SORL1: variants seen among roughly 807,000 people sequenced by gnomAD.
SORL1 encodes sortilin-related receptor.
In SORL1, 127 loss-of-function variants were observed where a neutral mutation model predicts 273.7. That is an observed-to-expected ratio of 0.46 (90% CI 0.40 to 0.54). The LOEUF (loss-of-function observed/expected upper bound fraction) is 0.54, where lower values mean the gene tolerates loss of function less well. SORL1 is among the 20% of genes least tolerant of loss of function. The probability of loss-of-function intolerance (pLI) is 0.00; values close to 1 mark genes in which losing one functional copy is unlikely to be tolerated. For synonymous variants in SORL1, 1,031 were observed against 1,067.4 expected, an observed-to-expected ratio of 0.97 and a Z score of 0.66; for missense variants, 2,494 against 2,846.1, an observed-to-expected ratio of 0.88 and a Z score of 2.81.
intron 29 of SORL1, 133 bp from the exon 30 acceptor site, chr11:121,589,907 C>A: frequency 2.9e-6 from 3 of 1,028,726 alleles, no homozygotes; most frequent in Non-Finnish European, 4.3e-6. Context: ...GTCCATGAAG[C>A]TGCCTTATCT....
chr11:121,560,789 A>G (rs1483870382), intron 21 of SORL1, among the ~76,000 whole-genome samples: 1 of 152,194 alleles, frequency 6.6e-6, no homozygotes, highest in Non-Finnish European at 1.5e-5. Context: ...TTCACCACTG[A>G]CCTGTGAGGT....
At chr11:121,622,364 A>AT (rs869286013) in intron 45 of SORL1, 96 bp downstream of exon 45, 1 of 488,330 alleles carries the variant, frequency 2.0e-6, no homozygotes, top group African/African-American at 7.5e-5. Flanking sequence ...TAGATAGTGT[A>AT]AAAAAAAAGA....
At chr11:121,532,984 C>T (rs987167271) in intron 12 of SORL1, among the ~76,000 whole-genome samples, 4 of 151,990 alleles carry the variant, frequency 2.6e-5, no homozygotes, top group Admixed American at 1.3e-4. Context: ...GTGCCCACCC[C>T]GATTTAAACT....
intron 8 of SORL1, among the ~76,000 whole-genome samples, chr11:121,517,936 A>G (rs761048963): frequency 1.3e-5 from 2 of 152,230 alleles, no homozygotes; most frequent in Admixed American, 6.5e-5. Flanking sequence ...GAAATGAGCA[A>G]GTCTTTGAAC....
Position 121,554,003 on chromosome 11 carries a change from C to T in SORL1, c.2333C>T (p.Ala778Val), listed in dbSNP as rs1217962683. 1 of 1,614,140 alleles carries T rather than the reference C, an allele frequency of 6.2e-7. No individual in the cohort carries two copies. Among genetic ancestry groups the T allele is most frequent in the East Asian group, 2.2e-5 (1 of 44,892 alleles). Residue 778 changes from alanine (A) to valine (V), a missense_variant, in exon 17 of 48, where the codon GCC becomes GTC. Ala to Val is a moderately conservative substitution (Grantham distance 64). Around this residue, in one of 3 missense-constraint regions of SORL1, gnomAD observed 710 missense variants for 882.5 expected, o/e 0.80. Transcript: ENST00000260197. This position sits in a 1 kb window ranked among gnomAD's most constrained non-coding sequence, Gnocchi z 4.6. ...SIYRYDLASG[A>V]TEQLPLTGLR... ...TACCGCTATGACCTGGCCTCGGGAGCCACCGAGCAGTTGCCTCTCACCGGG... is the reference window on the plus strand; with the variant it reads ...TACCGCTATGACCTGGCCTCGGGAGTCACCGAGCAGTTGCCTCTCACCGGG...
At chr11:121,466,115 C>G (rs1373425618) in intron 1 of SORL1, among the ~76,000 whole-genome samples, 2 of 152,216 alleles carry the variant, frequency 1.3e-5, no homozygotes, top group East Asian at 3.8e-4. Context: ...CTCGGCCCCT[C>G]CCTGCTGCCT....
At position 121,512,909 on chromosome 11, in the gene SORL1, C is replaced by A. The variant is rs1260958075; in HGVS notation, c.940-94C>A. 7.2e-6 allele frequency: 6 copies of A among 836,422 alleles called. No homozygotes were observed. In the East Asian group the frequency reaches 1.3e-4, roughly 18 times the overall value. 51.8% of individuals were successfully genotyped at this position (836,422 alleles called of 1,614,324 possible). On this transcript the variant is annotated intron_variant, in intron 6 of 47. Transcript: ENST00000260197. Reference sequence around the variant, plus strand: ...TCTCTATTTTGTGTTTCCAGTAGAACTGGAAGAATCTGACTCTTCTATTTT... The same window carrying A: ...TCTCTATTTTGTGTTTCCAGTAGAAATGGAAGAATCTGACTCTTCTATTTT...
intron 42 of SORL1, 105 bp downstream of exon 42, chr11:121,618,998 ATG>A (rs1863682340): frequency 6.5e-6 from 8 of 1,235,408 alleles, no homozygotes; most frequent in Non-Finnish European, 9.2e-6. Context: ...TCCAGGATTG[ATG>A]TGTGTGACGA....
At chr11:121,620,162 A>C (rs1457215056) in intron 43 of SORL1, among the ~76,000 whole-genome samples, 5 of 152,190 alleles carry the variant, frequency 3.3e-5, no homozygotes, top group Non-Finnish European at 7.3e-5. Flanking sequence ...TCCGCTGCTG[A>C]TATTTCCTTC....
chr11:121,499,046 A>G (rs1373094167), intron 6 of SORL1, among the ~76,000 whole-genome samples: 1 of 152,178 alleles, frequency 6.6e-6, no homozygotes, highest in African/African-American at 2.4e-5. Context: ...GATCTCACCG[A>G]TACAGTACCC....
At chr11:121,562,919 G>A (rs916680471) in intron 21 of SORL1, among the ~76,000 whole-genome samples, 7 of 152,220 alleles carry the variant, frequency 4.6e-5, no homozygotes, top group South Asian at 2.1e-4. Flanking sequence ...TGGAATTGGG[G>A]GTTTTGGAAT....
rs755489897 is a variant in SORL1 at position 121,590,848 on chromosome 11, T to C, written c.4214-153T>C. ...CTGACAACCCATTATACATGATTTC[T>C]AGATTAGCCGCTGCTCAGAGCTGTG... On this transcript the variant is annotated intron_variant, in intron 30 of 47. Coordinates refer to ENST00000260197, the MANE Select transcript of SORL1 (RefSeq NM_003105.6). 1.8e-5 allele frequency: 15 copies of C among 827,208 alleles called. No individual in the cohort carries two copies. In the East Asian group the frequency reaches 3.4e-4, roughly 19 times the overall value. 51.2% of individuals were successfully genotyped at this position (827,208 alleles called of 1,614,324 possible).
chr11:121,498,104 A>G (rs1220120831), intron 6 of SORL1, among the ~76,000 whole-genome samples: 2 of 152,142 alleles, frequency 1.3e-5, no homozygotes, highest in African/African-American at 4.8e-5. Flanking sequence ...GTTCTGAAAA[A>G]CCATTAGCCT....
At chr11:121,542,439 A>C (rs1436237412) in intron 12 of SORL1, among the ~76,000 whole-genome samples, 1 of 151,466 alleles carries the variant, frequency 6.6e-6, no homozygotes, top group East Asian at 1.9e-4. Flanking sequence ...TTTTTTCTTT[A>C]TTTATTTGGT....
chr11:121,624,709 G>A (rs2134953471), intron 45 of SORL1, among the ~76,000 whole-genome samples: 1 of 152,218 alleles, frequency 6.6e-6, no homozygotes, highest in South Asian at 2.1e-4. Flanking sequence ...TTTATTATTA[G>A]TCAAATTCCA....
chr11:121,514,695 T>G (rs1327119323), intron 8 of SORL1, among the ~76,000 whole-genome samples: 1 of 152,226 alleles, frequency 6.6e-6, no homozygotes, highest in African/African-American at 2.4e-5. Flanking sequence ...CAGTGAGAGC[T>G]GGCATATGCG....
At chr11:121,569,160 C>T (rs1031082005) in intron 22 of SORL1, among the ~76,000 whole-genome samples, 2 of 152,012 alleles carry the variant, frequency 1.3e-5, no homozygotes, top group Admixed American at 6.5e-5. Flanking sequence ...CTTGTGATTT[C>T]CTATGCCTGT....
intron 11 of SORL1, among the ~76,000 whole-genome samples, chr11:121,525,559 T>A (rs954525222): frequency 6.6e-6 from 1 of 152,258 alleles, no homozygotes; most frequent in African/African-American, 2.4e-5. Context: ...TATGTGAGAA[T>A]TTTAATTGCT....
chr11:121,585,961 G>A (rs1863099049), intron 26 of SORL1, among the ~76,000 whole-genome samples: 1 of 152,116 alleles, frequency 6.6e-6, no homozygotes, highest in Admixed American at 6.6e-5. Context: ...TACAAACAGT[G>A]TTGTAATGCA....
Sources: allele counts gnomAD v4.1 joint callset (sites outside exome capture counted in the v4.1 genomes callset), GRCh38; gene constraint gnomAD v4.1.1; regional missense constraint gnomAD v4.1.1; non-coding constraint Gnocchi (gnomAD v3.1); transcripts MANE v1.5; gene names NCBI Gene and HGNC (gene_info 2026-07-23, HGNC 2026-07-21).